Variants in RPRD1B observed in about 807,000 individuals in gnomAD.
RPRD1B encodes the protein regulation of nuclear pre-mRNA domain containing 1B.
RPRD1B carries 11 observed loss-of-function variants against 41.5 expected under a neutral mutation model. The observed-to-expected ratio is 0.27, with a 90% CI of 0.17 to 0.44. The LOEUF (loss-of-function observed/expected upper bound fraction) is 0.44, where lower values mean the gene tolerates loss of function less well. RPRD1B is among the 20% of genes least tolerant of loss of function. RPRD1B has a pLI of 1.00. For synonymous variants in RPRD1B, 158 were observed against 155.6 expected (o/e 1.02, Z -0.12); for missense variants, 248 against 389.9 (o/e 0.64, Z 3.06).
chr20:38,045,592 G>A (rs1036011241), intron 2 of RPRD1B, among the ~76,000 whole-genome samples: 14 of 152,162 alleles, frequency 9.2e-5, no homozygotes, highest in Non-Finnish European at 8.8e-5. Context: ...ACAGGTTTGA[G>A]CATCATTTTC....
chr20:38,089,647 G>C (rs2074594786), intron 6 of RPRD1B, 79 bp from the exon 7 acceptor site: 2 of 1,190,678 alleles, frequency 1.7e-6, no homozygotes, highest in East Asian at 4.7e-5. Flanking sequence ...GAGGACGAGA[G>C]TAGCTGCCCG....
chr20:38,078,133 A>C (rs900110346), intron 6 of RPRD1B, among the ~76,000 whole-genome samples: 16 of 151,450 alleles, frequency 1.1e-4, no homozygotes, highest in South Asian at 8.3e-4. Flanking sequence ...GTGCCACTGC[A>C]CTTCAGCCTG....
Position 38,092,261 on chromosome 20 carries a change from A to G in RPRD1B, c.*2386A>G. The G allele has an allele frequency of 1.0e-6, 1 of 984,722 alleles. No individual in the cohort carries two copies. The highest frequency in any genetic ancestry group is 1.2e-6 in the Non-Finnish European group (1 of 828,902). The allele number at this position is 984,722 out of a possible 1,614,324, so 61.0% of individuals were successfully genotyped here. ...TTTTCAAAGCTTAAATTTGTATATTAATTTAGGACTATTTAGAAGTATAGG... is the reference window on the plus strand; with the variant it reads ...TTTTCAAAGCTTAAATTTGTATATTGATTTAGGACTATTTAGAAGTATAGG... On this transcript the variant is annotated 3_prime_UTR_variant, in exon 7 of 7. Coordinates refer to ENST00000373433, the MANE Select transcript of RPRD1B (RefSeq NM_021215.4).
rs1321352536 is a variant in RPRD1B, at chr20:38,048,403, G to A, written c.337G>A (p.Glu113Lys). 1 of 1,613,894 alleles carries A rather than the reference G, an allele frequency of 6.2e-7. No individual in the cohort carries two copies. The highest frequency in any genetic ancestry group is 8.5e-7 in the Non-Finnish European group (1 of 1,179,922). Residue 113 changes from glutamate to lysine, a missense_variant, in exon 3 of 7, where the codon GAA becomes AAA. Glu to Lys is a moderately conservative substitution (Grantham distance 56). This residue lies in a region of RPRD1B where 47 missense variants were observed against 103.6 expected (regional missense o/e 0.45). Coordinates refer to ENST00000373433, the MANE Select transcript of RPRD1B (RefSeq NM_021215.4). ...AGAAAGATTGCTGAACATCTGGCAAGAACGAAGTGTGTATGGCGGCGAGTT... is the reference window on the plus strand; with the variant it reads ...AGAAAGATTGCTGAACATCTGGCAAAAACGAAGTGTGTATGGCGGCGAGTT... ...PLERLLNIWQ[E>K]RSVYGGEFIQ...
In RPRD1B at chr20:38,090,791, T is replaced by C; in HGVS notation, c.*916T>C. The C allele has an allele frequency of 1.0e-6, 1 of 985,194 alleles. No individual in the cohort carries two copies. The highest frequency in any genetic ancestry group is 1.2e-6 in the Non-Finnish European group (1 of 829,876). 61.0% of individuals were successfully genotyped at this position (985,194 alleles called of 1,614,324 possible). On this transcript the variant is annotated 3_prime_UTR_variant, in exon 7 of 7. Coordinates refer to ENST00000373433, the MANE Select transcript of RPRD1B (RefSeq NM_021215.4). The stretch of plus-strand genomic sequence containing the variant: ...TTTCTTGGACCCTTTCTTCTGGGAG[T>C]AGGGTACACACTAACGTTTAATCCG...
At position 38,089,824 on chromosome 20, in the gene RPRD1B, A is replaced by G; in HGVS notation, c.930A>G (p.Thr310=). The change falls in exon 7 of 7, where the codon ACA becomes ACG. Residue 310 remains threonine, a synonymous_variant. Transcript: ENST00000373433. ...ACCTCTCACTGCTGCCCAACGTCAC[A>G]GGGGGCTTAGCCCCCCTGCCCTCTG... is the stretch of plus-strand genomic sequence containing the variant. ...LPDLSLLPNV[T]GGLAPLPSAG... 1 of 1,614,202 alleles carries G rather than the reference A, an allele frequency of 6.2e-7. No homozygotes were observed. Among genetic ancestry groups the G allele is most frequent in the Non-Finnish European group, 8.5e-7 (1 of 1,180,014 alleles).
intron 1 of RPRD1B, among the ~76,000 whole-genome samples, chr20:38,036,475 CT>C (rs1413635866): frequency 6.6e-6 from 1 of 152,216 alleles, no homozygotes; most frequent in Non-Finnish European, 1.5e-5. Flanking sequence ...TTCCTACTAG[CT>C]GTTCATTTGA....
chr20:38,087,133 A>G (rs996190003), intron 6 of RPRD1B, among the ~76,000 whole-genome samples: 6 of 151,666 alleles, frequency 4.0e-5, no homozygotes, highest in Admixed American at 1.3e-4. Context: ...TAACTTTTGT[A>G]TTTCTTAGTA....
rs553665838 is a variant in RPRD1B, at chr20:38,059,410, A to G, written c.545A>G (p.Lys182Arg). Residue 182 changes from lysine (K) to arginine (R), a missense_variant, in exon 5 of 7, where the codon AAA becomes AGA. By Grantham distance (26) the Lys-to-Arg change is conservative. Around this residue, in one of 5 missense-constraint regions of RPRD1B, gnomAD observed 94 missense variants for 82.3 expected, o/e 1.14. Coordinates refer to ENST00000373433, the MANE Select transcript of RPRD1B (RefSeq NM_021215.4). ...AGPLLTEELIKALQDLENAAS... is the reference protein window; with the variant it reads ...AGPLLTEELIRALQDLENAAS... ...ATCTTACAGACTGAGGAACTAATCA[A>G]AGCTTTGCAGGATCTGGAAAATGCC... is the stretch of plus-strand genomic sequence containing the variant. The G allele has an allele frequency of 1.2e-6, 2 of 1,613,446 alleles. No individual in the cohort carries two copies. Among genetic ancestry groups the G allele is most frequent in the South Asian group, 2.2e-5 (2 of 91,000 alleles).
At chr20:38,082,240 C>T (rs1439228305) in intron 6 of RPRD1B, among the ~76,000 whole-genome samples, 2 of 152,012 alleles carry the variant, frequency 1.3e-5, no homozygotes, top group Non-Finnish European at 2.9e-5. Flanking sequence ...TTTTGGAACT[C>T]GTTAATAGGT....
chr20:38,073,294 C>A (rs2074429043), intron 6 of RPRD1B, among the ~76,000 whole-genome samples: 1 of 152,110 alleles, frequency 6.6e-6, no homozygotes, highest in Admixed American at 6.5e-5. Context: ...CTCGCTGTAC[C>A]CCTGCTCACG....
chr20:38,038,231 C>T (rs964571081), intron 1 of RPRD1B, among the ~76,000 whole-genome samples: 2 of 151,876 alleles, frequency 1.3e-5, no homozygotes, highest in East Asian at 1.9e-4. Context: ...GCATTTAAGA[C>T]ATCAGTTTCA....
In RPRD1B at chr20:38,034,230, AAGTT is replaced by A. The variant is rs751673757; in HGVS notation, c.151+135_151+138del. The A allele has an allele frequency of 8.7e-5, 89 of 1,018,002 alleles. 3 individuals are homozygous for A. Among genetic ancestry groups the A allele is most frequent in the Admixed American group, 8.7e-4 (31 of 35,828 alleles). 63.1% of individuals were successfully genotyped at this position (1,018,002 alleles called of 1,614,324 possible). ...GATCGAGCTTCTGAGATGGGAGACA[AAGTT>A]AGCCCCATTTCTCGAAGAAGGAAAC... On this transcript the variant is annotated intron_variant, in intron 1 of 6. Coordinates refer to ENST00000373433, the MANE Select transcript of RPRD1B (RefSeq NM_021215.4).
chr20:38,076,115 C>G (rs560804074), intron 6 of RPRD1B, among the ~76,000 whole-genome samples: 4 of 152,176 alleles, frequency 2.6e-5, no homozygotes, highest in Admixed American at 6.5e-5. Context: ...CAGTCCTTTC[C>G]TTTTGCTCAC....
At chr20:38,071,668 G>C (rs79732178) in intron 6 of RPRD1B, among the ~76,000 whole-genome samples, 169 of 152,234 alleles carry the variant, frequency 1.1e-3, no homozygotes, top group East Asian at 6.4e-3. Context: ...AATGTGCGTG[G>C]GTTCCAGTTT....
At chr20:38,079,856 TC>T (rs1262566874) in intron 6 of RPRD1B, among the ~76,000 whole-genome samples, 3 of 152,220 alleles carry the variant, frequency 2.0e-5, no homozygotes, top group South Asian at 2.1e-4. Flanking sequence ...TTATAAGTGT[TC>T]CTTTTTCCCC....
chr20:38,055,701 A>G (rs1482532229), intron 3 of RPRD1B, among the ~76,000 whole-genome samples: 4 of 152,164 alleles, frequency 2.6e-5, no homozygotes, highest in Non-Finnish European at 5.9e-5. Flanking sequence ...TTTATGATCA[A>G]TACCCTCTTC....
chr20:38,078,166 C>CA (rs1166192655), intron 6 of RPRD1B, among the ~76,000 whole-genome samples: 1,342 of 109,844 alleles, frequency 0.012, 8 homozygotes, highest in African/African-American at 0.033. Flanking sequence ...CAGGCTGTCT[C>CA]AAAAAAAAAA....
chr20:38,043,936 T>G (rs2074094991), intron 2 of RPRD1B, among the ~76,000 whole-genome samples: 1 of 152,194 alleles, frequency 6.6e-6, no homozygotes, highest in Admixed American at 6.5e-5. Flanking sequence ...TAAAATAGTC[T>G]GAAGCTCAGT....
Sources: gnomAD v4.1 joint callset for allele counts (sites outside exome capture counted in the v4.1 genomes callset) on GRCh38, gnomAD v4.1.1 for gene constraint, gnomAD v4.1.1 regional missense constraint, MANE v1.5 for transcripts, NCBI Gene and HGNC (gene_info 2026-07-23, HGNC 2026-07-21) for gene names.